Variants in MKLN1 observed in about 807,000 individuals in gnomAD.
The protein encoded by MKLN1 is muskelin 1.
In MKLN1, 18 loss-of-function variants were observed where a neutral mutation model predicts 99.0. That is an observed-to-expected ratio of 0.18 (90% CI 0.13 to 0.27). The LOEUF (loss-of-function observed/expected upper bound fraction) is 0.27, where lower values mean the gene tolerates loss of function less well. Ranked by LOEUF, MKLN1 falls within the 10% of genes least tolerant of loss-of-function variation. MKLN1 has a pLI of 1.00. For missense variants in MKLN1, 621 were observed against 875.9 expected (o/e 0.71, Z 3.67); for synonymous variants, 288 against 293.2 (o/e 0.98, Z 0.18).
At chr7:131,431,310 C>CTTCA (rs1188414712) in intron 9 of MKLN1, among the ~76,000 whole-genome samples, 1 of 152,156 alleles carries the variant, frequency 6.6e-6, no homozygotes, top group African/African-American at 2.4e-5. Context: ...CTGTGGTTAG[C>CTTCA]TTCAGCCTTT....
At chr7:131,285,390 C>A in intron 3 of MKLN1, among the ~76,000 whole-genome samples, 1 of 152,348 alleles carries the variant, frequency 6.6e-6, no homozygotes, top group South Asian at 2.1e-4. Context: ...ACCTTGTCCA[C>A]TTTCCCCCTG....
In MKLN1 at chr7:131,437,786, A is replaced by G. The variant is rs1795717318; in HGVS notation, c.962A>G (p.Asn321Ser). 6.2e-7 allele frequency: 1 copy of G among 1,607,792 alleles called. No homozygotes were observed. The highest frequency in any genetic ancestry group is 1.3e-5 in the African/African-American group (1 of 74,786). ...TTTATTTTCTCTCTCTCTCTACAGA[A>G]TGGTCCTAGTGCCAGATCGTGTCAT... ...TCISRDTEKE[N>S]GPSARSCHKM... Residue 321 changes from asparagine to serine, a missense_variant and splice_region_variant, in exon 10 of 18, where the codon AAT becomes AGT. Physicochemically the swap from Asn to Ser is conservative, Grantham distance 46. Around this residue, in one of 8 missense-constraint regions of MKLN1, gnomAD observed 361 missense variants for 540.8 expected, o/e 0.67. Coordinates refer to ENST00000352689, the MANE Select transcript of MKLN1 (RefSeq NM_013255.5).
At chr7:131,336,215 G>GT (rs1227772784) in intron 1 of MKLN1, among the ~76,000 whole-genome samples, 2 of 151,830 alleles carry the variant, frequency 1.3e-5, no homozygotes, top group African/African-American at 4.8e-5. Flanking sequence ...TTTATCTCTA[G>GT]TAACACTTGT....
At chr7:131,177,382 C>T (rs1280077181) in intron 2 of MKLN1, among the ~76,000 whole-genome samples, 2 of 15,202 alleles carry the variant, frequency 1.3e-4, no homozygotes, top group African/African-American at 2.6e-4. Flanking sequence ...GCAGAAGAAT[C>T]GCTTGAACCT....
chr7:131,194,324 T>C (rs1305207048), intron 2 of MKLN1, among the ~76,000 whole-genome samples: 2 of 152,174 alleles, frequency 1.3e-5, no homozygotes, highest in African/African-American at 4.8e-5. Flanking sequence ...CCAATCTACT[T>C]TCTGAGTTTG....
chr7:131,275,563 A>ATT (rs1349449145), intron 3 of MKLN1, among the ~76,000 whole-genome samples: 20 of 9,032 alleles, frequency 2.2e-3, no homozygotes, highest in East Asian at 5.1e-3. Context: ...ATATATATAT[A>ATT]TATATTTTTT....
chr7:131,209,783 G>A (rs1056038315), intron 3 of MKLN1, among the ~76,000 whole-genome samples: 1 of 152,120 alleles, frequency 6.6e-6, no homozygotes, highest in African/African-American at 2.4e-5. Flanking sequence ...TGCAGCTAGG[G>A]GTGACTCATT....
At chr7:131,156,586 G>A (rs1263417924) in intron 2 of MKLN1, among the ~76,000 whole-genome samples, 1 of 151,808 alleles carries the variant, frequency 6.6e-6, no homozygotes, top group African/African-American at 2.4e-5. Context: ...ATCACCTAAC[G>A]CAAAGCCCAT....
intron 2 of MKLN1, among the ~76,000 whole-genome samples, chr7:131,172,808 T>A (rs191941813): frequency 6.6e-6 from 1 of 152,326 alleles, no homozygotes. Context: ...TGCTGTCAGA[T>A]GCAACTGGGG....
chr7:131,294,994 A>G (rs1379518106), intron 3 of MKLN1, among the ~76,000 whole-genome samples: 2 of 152,122 alleles, frequency 1.3e-5, no homozygotes, highest in Non-Finnish European at 2.9e-5. Flanking sequence ...CCTTCTCTTA[A>G]TGACTTTCCC....
At chr7:131,121,813 TG>T (rs1256064318) in intron 1 of MKLN1, among the ~76,000 whole-genome samples, 1 of 152,156 alleles carries the variant, frequency 6.6e-6, no homozygotes, top group African/African-American at 2.4e-5. Context: ...CTGCTGGAAC[TG>T]GGTTTATAAA....
At position 131,481,634 on chromosome 7, in the gene MKLN1, G is replaced by A. The variant is rs1369611109; in HGVS notation, c.2086+2957G>A. Among the ~76,000 whole-genome samples, 3 of 152,174 alleles carry A rather than the reference G, an allele frequency of 2.0e-5. No homozygotes were observed. The East Asian group carries it at 5.8e-4, about 29-fold the overall frequency. On this transcript the variant is annotated intron_variant, in intron 17 of 17. Coordinates refer to ENST00000352689, the MANE Select transcript of MKLN1 (RefSeq NM_013255.5). ...TTTTAATAATGAGAAATTTGATTTAGTATTTATAAACAAGAAGTACTTTTC... is the reference window on the plus strand; with the variant it reads ...TTTTAATAATGAGAAATTTGATTTAATATTTATAAACAAGAAGTACTTTTC...
At chr7:131,393,120 G>A (rs1794255890) in intron 4 of MKLN1, among the ~76,000 whole-genome samples, 1 of 152,136 alleles carries the variant, frequency 6.6e-6, no homozygotes, top group Non-Finnish European at 1.5e-5. Flanking sequence ...ATGAAAAAAG[G>A]TGACACAGGG....
At chr7:131,448,327 AT>A (rs928786161) in intron 12 of MKLN1, among the ~76,000 whole-genome samples, 2 of 152,234 alleles carry the variant, frequency 1.3e-5, no homozygotes, top group African/African-American at 2.4e-5. Flanking sequence ...ATTCAAAACA[AT>A]TTTTTAATGA....
chr7:131,443,497 A>G lies in MKLN1; in HGVS notation c.1190A>G (p.Glu397Gly), dbSNP rs750383525. Residue 397 changes from glutamate to glycine, a missense_variant, in exon 11 of 18, where the codon GAA becomes GGA. Physicochemically the swap from Glu to Gly is moderately conservative, Grantham distance 98. This residue lies in a region of MKLN1 where 361 missense variants were observed against 540.8 expected (regional missense o/e 0.67). Coordinates refer to ENST00000352689, the MANE Select transcript of MKLN1 (RefSeq NM_013255.5). ...TTCTGATAGATGTGTATGGACTCAGAAAAACATATGATCTACACTTTTGGT... is the reference window on the plus strand; with the variant it reads ...TTCTGATAGATGTGTATGGACTCAGGAAAACATATGATCTACACTTTTGGT... Reference protein sequence around the residue: ...VFDHQMCMDSEKHMIYTFGGR... With the variant: ...VFDHQMCMDSGKHMIYTFGGR... 18 of 1,609,072 alleles carry G rather than the reference A, an allele frequency of 1.1e-5. 2 individuals carry two copies. In the South Asian group the frequency reaches 2.0e-4, roughly 18 times the overall value.
At chr7:131,226,163 C>T (rs1257941100) in intron 3 of MKLN1, among the ~76,000 whole-genome samples, 2 of 152,178 alleles carry the variant, frequency 1.3e-5, no homozygotes, top group Non-Finnish European at 2.9e-5. Context: ...TCTCTTTCCT[C>T]CTTCAATGCC....
At chr7:131,339,782 TTTTG>T (rs1799352848) in intron 1 of MKLN1, among the ~76,000 whole-genome samples, 1 of 152,294 alleles carries the variant, frequency 6.6e-6, no homozygotes, top group South Asian at 2.1e-4. Flanking sequence ...TTATTTACCT[TTTTG>T]TTAGGACTTT....
rs973992314 is a variant in MKLN1, at chr7:131,125,668, C to T, written c.-419+15461C>T. 3.9e-5 allele frequency among the ~76,000 whole-genome samples: 6 copies of T among 152,054 alleles called. No individual in the cohort carries two copies. The East Asian group carries it at 7.7e-4, about 20-fold the overall frequency. ...GGAAGATTCCTTGAGGTCAGGAGTT[C>T]GAGACCAGCCTGGGCAACAAAGTGA... On this transcript the variant is annotated intron_variant, in intron 1 of 7. Coordinates refer to the MKLN1 transcript ENST00000416992.
chr7:131,145,696 G>A (rs180770849), intron 2 of MKLN1, among the ~76,000 whole-genome samples: 4 of 152,340 alleles, frequency 2.6e-5, no homozygotes, highest in African/African-American at 4.8e-5. Context: ...AGGTCTATCC[G>A]GCAGAGGAGA....
Sources: gnomAD v4.1 joint callset for allele counts (sites outside exome capture counted in the v4.1 genomes callset) on GRCh38, gnomAD v4.1.1 for gene constraint, gnomAD v4.1.1 regional missense constraint, MANE v1.5 for transcripts, NCBI Gene and HGNC (gene_info 2026-07-23, HGNC 2026-07-21) for gene names.